TBC1D22A: variants seen among roughly 807,000 people sequenced by gnomAD.
TBC1D22A encodes TBC1 domain family member 22A.
A neutral mutation model predicts 60.2 loss-of-function variants in TBC1D22A; 38 were observed. That is an observed-to-expected ratio of 0.63 (90% CI 0.49 to 0.83). The LOEUF is 0.83. Ranked by LOEUF, TBC1D22A falls within the 40% of genes least tolerant of loss-of-function variation. The probability of loss-of-function intolerance (pLI) is 0.00; values close to 1 mark genes in which losing one functional copy is unlikely to be tolerated. For missense variants in TBC1D22A, 628 were observed against 701.0 expected (o/e 0.90, Z 1.18); for synonymous variants, 302 against 281.7 (o/e 1.07, Z -0.72).
chr22:47,043,741 G>A (rs1001023406), intron 11 of TBC1D22A, among the ~76,000 whole-genome samples: 1 of 152,188 alleles, frequency 6.6e-6, no homozygotes, highest in Non-Finnish European at 1.5e-5. Context: ...CAGGAAATGA[G>A]TGAGAGGTGG....
rs1346256092 is a variant in TBC1D22A at position 47,111,447 on chromosome 22, C to A, written c.1330-61C>A. 2.7e-6 allele frequency: 4 copies of A among 1,474,588 alleles called. No individual in the cohort carries two copies. In the Admixed American group the frequency reaches 5.3e-5, roughly 19 times the overall value. 91.3% of individuals were successfully genotyped at this position (1,474,588 alleles called of 1,614,324 possible). On this transcript the variant is annotated intron_variant, in intron 11 of 12. Coordinates refer to ENST00000337137, the MANE Select transcript of TBC1D22A (RefSeq NM_014346.5). ...AAACCCTGACTGTCGCAGATAACCT[C>A]GCAGTGATGTTAATGGGTCACGCGT...
intron 10 of TBC1D22A, among the ~76,000 whole-genome samples, chr22:47,030,713 T>C (rs902769783): frequency 6.6e-6 from 1 of 152,254 alleles, no homozygotes; most frequent in Non-Finnish European, 1.5e-5. Flanking sequence ...AATTCAGAAT[T>C]ATTGCCAACC....
At chr22:46,788,231 C>T (rs989281440) in intron 1 of TBC1D22A, among the ~76,000 whole-genome samples, 8 of 152,092 alleles carry the variant, frequency 5.3e-5, no homozygotes, top group South Asian at 2.1e-4. Flanking sequence ...CCACCACGCC[C>T]GGCCAGGCAG....
chr22:47,157,732 C>T lies in TBC1D22A; in HGVS notation c.1426-15766C>T, dbSNP rs2067783450. Among the ~76,000 whole-genome samples the T allele has an allele frequency of 2.0e-5, 3 of 152,332 alleles. No homozygotes were observed. In the South Asian group the frequency reaches 6.2e-4, roughly 32 times the overall value. On this transcript the variant is annotated intron_variant, in intron 12 of 12. Coordinates refer to ENST00000337137, the MANE Select transcript of TBC1D22A (RefSeq NM_014346.5). The stretch of plus-strand genomic sequence containing the variant: ...GAGGCGGTGTGGCTCAGCTCCCAGC[C>T]TCACCTTCTCTTCCCAAGGGCTGGG...
intron 8 of TBC1D22A, among the ~76,000 whole-genome samples, chr22:46,968,536 G>C (rs1262706621): frequency 2.7e-5 from 4 of 150,424 alleles, no homozygotes; most frequent in Non-Finnish European, 4.5e-5. Context: ...TCCTCACTGC[G>C]TGGCCGGCGG....
Position 46,838,213 on chromosome 22 carries a change from T to A in TBC1D22A, c.638-40440T>A, listed in dbSNP as rs540661184. Among the ~76,000 whole-genome samples the A allele has an allele frequency of 1.6e-4, 24 of 152,170 alleles. 1 individual carries two copies. The South Asian group carries it at 4.8e-3, about 30-fold the overall frequency. Reference sequence around the variant, plus strand: ...GAGAGTAGAAAAACAACAGACGAGATTAAAAAGAACCTAAGAGTTGGTTTT... The same window carrying A: ...GAGAGTAGAAAAACAACAGACGAGAATAAAAAGAACCTAAGAGTTGGTTTT... On this transcript the variant is annotated intron_variant, in intron 4 of 12. Transcript: ENST00000337137.
At chr22:47,016,457 A>T (rs1208148261) in intron 10 of TBC1D22A, among the ~76,000 whole-genome samples, 1 of 146,098 alleles carries the variant, frequency 6.8e-6, no homozygotes. Context: ...AGTGTTTTGA[A>T]TACAGTCCTT....
intron 11 of TBC1D22A, among the ~76,000 whole-genome samples, chr22:47,099,585 AC>A (rs931285980): frequency 8.6e-5 from 13 of 151,958 alleles, no homozygotes; most frequent in Non-Finnish European, 1.5e-4. Flanking sequence ...AGCTGGGACT[AC>A]AGGCATGTGC....
At chr22:46,875,872 G>A (rs2067535758) in intron 4 of TBC1D22A, among the ~76,000 whole-genome samples, 1 of 152,174 alleles carries the variant, frequency 6.6e-6, no homozygotes, top group Non-Finnish European at 1.5e-5. Context: ...GCACTTAACT[G>A]GAGACAGACA....
chr22:47,105,733 G>A (rs564067729), intron 11 of TBC1D22A, among the ~76,000 whole-genome samples: 1 of 152,290 alleles, frequency 6.6e-6, no homozygotes, highest in East Asian at 1.9e-4. Flanking sequence ...TCAGGCTCTA[G>A]AGAAGCAAAT....
intron 4 of TBC1D22A, among the ~76,000 whole-genome samples, chr22:46,856,336 G>C (rs941171837): frequency 2.0e-4 from 30 of 152,214 alleles, no homozygotes; most frequent in Non-Finnish European, 2.4e-4. Context: ...CCTGCTGCCA[G>C]GTACTGTTAC....
At chr22:47,156,600 A>G (rs1309228306) in intron 12 of TBC1D22A, among the ~76,000 whole-genome samples, 1 of 152,118 alleles carries the variant, frequency 6.6e-6, no homozygotes, top group African/African-American at 2.4e-5. Context: ...GACCTGGGGC[A>G]GGCTGGGGAG....
chr22:46,999,116 G>T (rs950084036), intron 10 of TBC1D22A, among the ~76,000 whole-genome samples: 8 of 152,208 alleles, frequency 5.3e-5, no homozygotes, highest in African/African-American at 1.9e-4. Context: ...TTTCGTGGAG[G>T]TTAGAAAGTT....
intron 10 of TBC1D22A, among the ~76,000 whole-genome samples, chr22:47,032,199 A>G (rs1422345519): frequency 6.6e-6 from 1 of 152,070 alleles, no homozygotes; most frequent in Non-Finnish European, 1.5e-5. Context: ...CACCTTCCCC[A>G]GCAGTCACCT....
At chr22:47,121,705 T>A (rs543141872) in intron 12 of TBC1D22A, among the ~76,000 whole-genome samples, 1 of 151,718 alleles carries the variant, frequency 6.6e-6, no homozygotes, top group East Asian at 1.9e-4. Context: ...TTTTCTTGTT[T>A]GAAAAAAAAT....
At chr22:46,875,019 G>A (rs1882821552) in intron 4 of TBC1D22A, among the ~76,000 whole-genome samples, 1 of 152,158 alleles carries the variant, frequency 6.6e-6, no homozygotes, top group African/African-American at 2.4e-5. Flanking sequence ...AAAGGGAGAT[G>A]TACATCTGCC....
chr22:47,169,826 G>C (rs1380943090), intron 12 of TBC1D22A, among the ~76,000 whole-genome samples: 1 of 152,224 alleles, frequency 6.6e-6, no homozygotes, highest in East Asian at 1.9e-4. Context: ...ATTGTTTATG[G>C]AAAAGTTAAG....
chr22:46,829,755 A>C (rs1271224787), intron 4 of TBC1D22A, among the ~76,000 whole-genome samples: 1 of 152,190 alleles, frequency 6.6e-6, no homozygotes, highest in East Asian at 1.9e-4. Flanking sequence ...AGTTGCCTCC[A>C]TGGATTTCTG....
At chr22:47,171,108 C>T (rs892519491) in intron 12 of TBC1D22A, among the ~76,000 whole-genome samples, 3 of 152,188 alleles carry the variant, frequency 2.0e-5, no homozygotes, top group Non-Finnish European at 4.4e-5. Context: ...GGAGAGCCTG[C>T]CATCCTTATC....
Sources: gnomAD v4.1 joint callset for allele counts (sites outside exome capture counted in the v4.1 genomes callset) on GRCh38, gnomAD v4.1.1 for gene constraint, MANE v1.5 for transcripts, NCBI Gene and HGNC (gene_info 2026-07-23, HGNC 2026-07-21) for gene names.